The following PAK2 variants were observed in gnomAD, a reference collection of about 807,000 sequenced individuals.
PAK2 encodes p21 (RAC1) activated kinase 2, also known as serine/threonine-protein kinase PAK 2.
A neutral mutation model predicts 65.9 loss-of-function variants in PAK2; 21 were observed. The observed-to-expected ratio is 0.32, with a 90% CI of 0.23 to 0.46. The LOEUF (loss-of-function observed/expected upper bound fraction) is 0.46. PAK2 is among the 20% of genes least tolerant of loss of function. The pLI is 1.00. For missense variants in PAK2, 324 were observed against 642.6 expected (o/e 0.50, Z 5.36); for synonymous variants, 204 against 219.7 (o/e 0.93, Z 0.63).
chr3:196,769,775 C>T (rs1317028799), intron 1 of PAK2, among the ~76,000 whole-genome samples: 2 of 151,928 alleles, frequency 1.3e-5, no homozygotes, highest in African/African-American at 4.8e-5. Context: ...TGAGATCATG[C>T]CACTGCACTC....
rs1307156775 is a variant in PAK2, at chr3:196,740,049, T to TCCCTC, written c.-116_-112dup. On this transcript the variant is annotated 5_prime_UTR_variant, in exon 1 of 15. Transcript: ENST00000327134. ...CGTCTCTTCCCGCCCCGCTTCCCCT[T>TCCCTC]CCCTCCCCTCCCCTCCCCGCACCGC... The TCCCTC allele has an allele frequency of 1.8e-4, 27 of 150,828 alleles. No individual in the cohort carries two copies. The highest frequency in any genetic ancestry group is 4.1e-4 in the African/African-American group (17 of 40,992). 9.3% of individuals were successfully genotyped at this position (150,828 alleles called of 1,614,324 possible). A position where few individuals can be genotyped will look rare whatever the true frequency, so the allele number is the denominator to read the frequency against.
chr3:196,803,063 C>G lies in PAK2; in HGVS notation c.335C>G (p.Thr112Ser). 1.2e-6 allele frequency: 2 copies of G among 1,612,294 alleles called. No homozygotes were observed. Among genetic ancestry groups the G allele is most frequent in the South Asian group, 2.2e-5 (2 of 90,876 alleles). ...WARLLQTSNI[T>S]KLEQKKNPQA... is the part of the protein sequence containing the mutation. ...CGATTACTACAGACCTCCAATATCA[C>G]CAAACTAGAGCAAAAGAAGAATCCT... Residue 112 changes from threonine to serine, a missense_variant, in exon 4 of 15, where the codon ACC (threonine) becomes AGC (serine). Transcript: ENST00000327134.
chr3:196,750,343 C>G (rs1713533010), intron 1 of PAK2, among the ~76,000 whole-genome samples: 1 of 152,086 alleles, frequency 6.6e-6, no homozygotes, highest in Admixed American at 6.6e-5. Flanking sequence ...CTCTGTTGCG[C>G]AGGCTGGTAG....
At chr3:196,759,488 GGTTTTTTTTGTTTTTTTTT>G (rs1713875895) in intron 1 of PAK2, among the ~76,000 whole-genome samples, 2 of 111,112 alleles carry the variant, frequency 1.8e-5, no homozygotes, top group Admixed American at 1.0e-4. Flanking sequence ...ACAGTTAAGT[GGTTTTTTTTGTTTTTTTTT>G]TTTTTTTTTT....
chr3:196,782,579 C>G lies in PAK2; in HGVS notation c.-21-47C>G. On this transcript the variant is annotated intron_variant, in intron 1 of 14. Coordinates refer to ENST00000327134, the MANE Select transcript of PAK2 (RefSeq NM_002577.4). ...TAGTTATTACTGTTTTTTGCTTGTT[C>G]GTGCTATTTTTTACTTTGTTACTAA... 9 of 854,182 alleles carry G rather than the reference C, an allele frequency of 1.1e-5. No homozygotes were observed. The South Asian group carries it at 1.1e-4, about 11-fold the overall frequency. 52.9% of individuals were successfully genotyped at this position (854,182 alleles called of 1,614,324 possible).
chr3:196,789,029 A>G (rs1056075065), intron 2 of PAK2, among the ~76,000 whole-genome samples: 5 of 152,332 alleles, frequency 3.3e-5, no homozygotes, highest in South Asian at 4.1e-4. Flanking sequence ...TAATCAGGGG[A>G]AAGACCTGGC....
chr3:196,800,778 AG>A (rs1468545332), intron 2 of PAK2, among the ~76,000 whole-genome samples: 3 of 152,198 alleles, frequency 2.0e-5, no homozygotes, highest in South Asian at 4.1e-4. Context: ...GGAAATGCTG[AG>A]GGTTCCAACT....
chr3:196,776,294 T>C (rs1471653249), intron 1 of PAK2, among the ~76,000 whole-genome samples: 1 of 152,154 alleles, frequency 6.6e-6, no homozygotes, highest in East Asian at 1.9e-4. Context: ...ATTGATCAAG[T>C]ATTCTATATA....
intron 1 of PAK2, among the ~76,000 whole-genome samples, chr3:196,770,462 C>T (rs1345927639): frequency 6.6e-6 from 1 of 151,830 alleles, no homozygotes; most frequent in East Asian, 1.9e-4. Context: ...TGAAGGGCTG[C>T]AGTGCTGCCC....
At position 196,831,971 on chromosome 3, in the gene PAK2, G is replaced by A. The variant is rs1712104659; in HGVS notation, c.*3566G>A. On this transcript the variant is annotated 3_prime_UTR_variant, in exon 15 of 15. Transcript: ENST00000327134. Reference sequence around the variant, plus strand: ...TAAAATCAGTTTTTTGATAGTGTGTGTATATAAGAAAAAATAGATACACAC... The same window carrying A: ...TAAAATCAGTTTTTTGATAGTGTGTATATATAAGAAAAAATAGATACACAC... 1 of 152,140 alleles carries A rather than the reference G, an allele frequency of 6.6e-6. No individual in the cohort carries two copies. The highest frequency in any genetic ancestry group is 1.5e-5 in the Non-Finnish European group (1 of 68,014). The allele number at this position is 152,140 out of a possible 1,614,324, so 9.4% of individuals were successfully genotyped here.
intron 1 of PAK2, among the ~76,000 whole-genome samples, chr3:196,742,099 C>CTTT (rs60738699): frequency 0.02 from 2,558 of 128,970 alleles, 102 homozygotes; most frequent in Non-Finnish European, 0.026. Context: ...ATTAATATTT[C>CTTT]TTTTTTTTTT....
Position 196,828,370 on chromosome 3 carries a change from A to G in PAK2, c.1540A>G (p.Met514Val), listed in dbSNP as rs535709960. 4 of 1,610,770 alleles carry G rather than the reference A, an allele frequency of 2.5e-6. No individual in the cohort carries two copies. The highest frequency in any genetic ancestry group is 1.7e-5 in the Admixed American group (1 of 59,672). Residue 514 changes from methionine to valine, a missense_variant, in exon 15 of 15, where the codon ATG (methionine) becomes GTG (valine). Met to Val is a conservative substitution (Grantham distance 21). Transcript: ENST00000327134. Reference protein sequence around the residue: ...KPLSSLTPLIMAAKEAMKSNR With the variant: ...KPLSSLTPLIVAAKEAMKSNR Reference sequence around the variant, plus strand: ...GTTATCTAGCTTGACACCACTGATCATGGCAGCTAAAGAAGCAATGAAGAG... The same window carrying G: ...GTTATCTAGCTTGACACCACTGATCGTGGCAGCTAAAGAAGCAATGAAGAG...
chr3:196,797,742 C>G (rs1181630668), intron 2 of PAK2, among the ~76,000 whole-genome samples: 1 of 151,290 alleles, frequency 6.6e-6, no homozygotes, highest in Admixed American at 6.6e-5. Flanking sequence ...CAAAGCAAGA[C>G]TCTGTCTCAA....
At chr3:196,825,206 C>T (rs374184449) in intron 13 of PAK2, among the ~76,000 whole-genome samples, 27 of 149,012 alleles carry the variant, frequency 1.8e-4, no homozygotes, top group South Asian at 2.1e-4. Flanking sequence ...ATTAGTCAGG[C>T]GTAATGGTGC....
intron 1 of PAK2, among the ~76,000 whole-genome samples, chr3:196,768,154 G>T (rs553668828): frequency 3.3e-5 from 5 of 152,096 alleles, no homozygotes; most frequent in African/African-American, 4.8e-5. Flanking sequence ...TCAACACGTG[G>T]TGGGACACTG....
At chr3:196,789,236 C>T (rs994355356) in intron 2 of PAK2, among the ~76,000 whole-genome samples, 1 of 152,164 alleles carries the variant, frequency 6.6e-6, no homozygotes, top group Non-Finnish European at 1.5e-5. Flanking sequence ...TTTATTCATA[C>T]AGCTAGAGTT....
chr3:196,828,428 T>C lies in PAK2; in HGVS notation c.*23T>C. The stretch of plus-strand genomic sequence containing the variant: ...TAACATCACTGCTGTGGCCTCATAC[T>C]CTTTTTTCCATTTTCTACAAGAAGC... On this transcript the variant is annotated 3_prime_UTR_variant, in exon 15 of 15. Coordinates refer to ENST00000327134, the MANE Select transcript of PAK2 (RefSeq NM_002577.4). 2.9e-6 allele frequency: 4 copies of C among 1,381,526 alleles called. No homozygotes were observed. Among genetic ancestry groups the C allele is most frequent in the Non-Finnish European group, 3.1e-6 (3 of 977,494 alleles). The allele number at this position is 1,381,526 out of a possible 1,614,324, so 85.6% of individuals were successfully genotyped here. A position where few individuals can be genotyped will look rare whatever the true frequency, so the allele number is the denominator to read the frequency against.
intron 1 of PAK2, among the ~76,000 whole-genome samples, chr3:196,745,597 T>G (rs11924950): frequency 0.069 from 10,555 of 152,234 alleles, 544 homozygotes; most frequent in African/African-American, 0.15. Flanking sequence ...GTGGATCACC[T>G]GATGTCAGCA....
At position 196,778,776 on chromosome 3, in the gene PAK2, C is replaced by T. The variant is rs181770505; in HGVS notation, c.-21-3850C>T. 1.5e-4 allele frequency among the ~76,000 whole-genome samples: 23 copies of T among 152,234 alleles called. No individual in the cohort carries two copies. The East Asian group carries it at 2.1e-3, about 14-fold the overall frequency. Reference sequence around the variant, plus strand: ...GTTACAGTTTCTCAGTCTTGTTTTTCGTGTCCTTGACAGTTTGGAGGAATG... The same window carrying T: ...GTTACAGTTTCTCAGTCTTGTTTTTTGTGTCCTTGACAGTTTGGAGGAATG... On this transcript the variant is annotated intron_variant, in intron 1 of 14. Coordinates refer to ENST00000327134, the MANE Select transcript of PAK2 (RefSeq NM_002577.4).
Sources: gnomAD v4.1 joint callset for allele counts (sites outside exome capture counted in the v4.1 genomes callset) on GRCh38, gnomAD v4.1.1 for gene constraint, MANE v1.5 for transcripts, NCBI Gene and HGNC (gene_info 2026-07-23, HGNC 2026-07-21) for gene names.